SBSPON: variants seen among roughly 807,000 people sequenced by gnomAD.
The protein encoded by SBSPON is somatomedin-B and thrombospondin type-1 domain-containing protein.
Under a neutral mutation model 35.8 loss-of-function variants are expected in SBSPON, and 30 were observed. The ratio of observed to expected loss-of-function variants is 0.84; its 90% CI spans 0.63 to 1.14. SBSPON has a LOEUF of 1.14. SBSPON is among the 50% of genes most tolerant of loss of function. The pLI, the probability that SBSPON is intolerant of heterozygous loss-of-function variation, is 0.00. For missense variants in SBSPON, 364 were observed against 357.7 expected (o/e 1.02, Z -0.14); for synonymous variants, 136 against 135.9 (o/e 1.00, Z 0.00).
intron 1 of SBSPON, among the ~76,000 whole-genome samples, chr8:73,084,711 G>C (rs1316910005): frequency 6.7e-6 from 1 of 148,200 alleles, no homozygotes; most frequent in African/African-American, 2.5e-5. Flanking sequence ...TCTTTTTCTG[G>C]CCAGCTTTTT....
At chr8:73,075,373 C>T (rs1464286935) in intron 2 of SBSPON, among the ~76,000 whole-genome samples, 2 of 152,184 alleles carry the variant, frequency 1.3e-5, no homozygotes, top group African/African-American at 4.8e-5. Context: ...ATACACCCCC[C>T]CCAAATTCAC....
chr8:73,069,040 C>T (rs1297696553), intron 4 of SBSPON, among the ~76,000 whole-genome samples: 2 of 152,100 alleles, frequency 1.3e-5, no homozygotes, highest in Admixed American at 1.3e-4. Flanking sequence ...GACCACACAG[C>T]CTGCAAAGTC....
chr8:73,076,869 T>C (rs545187410), intron 2 of SBSPON, among the ~76,000 whole-genome samples: 47 of 152,322 alleles, frequency 3.1e-4, no homozygotes, highest in African/African-American at 1.0e-3. Context: ...TGTCAGATTC[T>C]GATCTTCAGA....
chr8:73,091,238 C>T lies in SBSPON; in HGVS notation c.214+1616G>A, dbSNP rs868792601. Among the ~76,000 whole-genome samples, 16 of 152,348 alleles carry T rather than the reference C, an allele frequency of 1.1e-4. No homozygotes were observed. In the Middle Eastern group the frequency reaches 0.01, roughly 97 times the overall value. ...TCCTCCAGCAGGCCTCTTCCTCATTCTCCAGGCCCAGGCTCGCCCATTACT... is the reference window on the plus strand; with the variant it reads ...TCCTCCAGCAGGCCTCTTCCTCATTTTCCAGGCCCAGGCTCGCCCATTACT... On this transcript the variant is annotated intron_variant, in intron 1 of 4. Transcript: ENST00000297354.
At chr8:73,075,334 G>A (rs1216302173) in intron 2 of SBSPON, among the ~76,000 whole-genome samples, 1 of 152,306 alleles carries the variant, frequency 6.6e-6, no homozygotes, top group East Asian at 1.9e-4. Flanking sequence ...CAGACTGCCT[G>A]GAGGTCCCAG....
rs1219252933 is a variant in SBSPON at position 73,065,539 on chromosome 8, G to C, written c.*1802C>G. The C allele has an allele frequency of 6.6e-6, 1 of 152,096 alleles. No homozygotes were observed. The highest frequency in any genetic ancestry group is 2.4e-5 in the African/African-American group (1 of 41,406). 9.4% of individuals were successfully genotyped at this position (152,096 alleles called of 1,614,324 possible). The stretch of plus-strand genomic sequence containing the variant: ...GCCCATAATCCCAGCACCTTGGGAG[G>C]CCGAGGTGGGTGGATCACGAGGTCA... On this transcript the variant is annotated 3_prime_UTR_variant, in exon 5 of 5. Coordinates refer to ENST00000297354, the MANE Select transcript of SBSPON (RefSeq NM_153225.4).
intron 1 of SBSPON, among the ~76,000 whole-genome samples, chr8:73,092,405 A>G (rs530309484): frequency 6.6e-6 from 1 of 152,268 alleles, no homozygotes; most frequent in African/African-American, 2.4e-5. Flanking sequence ...AGATTACACA[A>G]TCCTGCCCTC....
In SBSPON at chr8:73,067,039, T is replaced by A. The variant is rs1810402550; in HGVS notation, c.*302A>T. On this transcript the variant is annotated 3_prime_UTR_variant, in exon 5 of 5. Coordinates refer to ENST00000297354, the MANE Select transcript of SBSPON (RefSeq NM_153225.4). Reference sequence around the variant, plus strand: ...CGGACTGAGTTACAGTAATTTTACTTTAGCAAACAGACATGTATTCTGTGT... The same window carrying A: ...CGGACTGAGTTACAGTAATTTTACTATAGCAAACAGACATGTATTCTGTGT... 4.4e-6 allele frequency: 1 copy of A among 227,636 alleles called. No individual in the cohort carries two copies. The allele number at this position is 227,636 out of a possible 1,614,324, so 14.1% of individuals were successfully genotyped here. A position where few individuals can be genotyped will look rare whatever the true frequency, so the allele number is the denominator to read the frequency against.
At chr8:73,067,880 C>A (rs895457403) in intron 4 of SBSPON, among the ~76,000 whole-genome samples, 1 of 150,716 alleles carries the variant, frequency 6.6e-6, no homozygotes, top group Non-Finnish European at 1.5e-5. Flanking sequence ...AACAGAGTTT[C>A]CCTTGTTTAG....
At chr8:73,072,049 G>A (rs2129993194) in intron 2 of SBSPON, among the ~76,000 whole-genome samples, 179 bp from the exon 3 acceptor site, 1 of 152,186 alleles carries the variant, frequency 6.6e-6, no homozygotes, top group East Asian at 1.9e-4. Flanking sequence ...TGTGCACACA[G>A]ATCGGTAGGG....
chr8:73,073,628 A>G (rs183420069), intron 2 of SBSPON, among the ~76,000 whole-genome samples: 96 of 152,278 alleles, frequency 6.3e-4, no homozygotes, highest in African/African-American at 2.2e-3. Flanking sequence ...CAACATGGTG[A>G]AACCCTGTCT....
intron 1 of SBSPON, among the ~76,000 whole-genome samples, 164 bp downstream of exon 1, chr8:73,092,690 G>T (rs1046470191): frequency 1.2e-4 from 19 of 152,250 alleles, no homozygotes; most frequent in African/African-American, 4.6e-4. Context: ...ACCCTAGGAT[G>T]AACGGAGCCG....
At chr8:73,086,751 G>A (rs1442115213) in intron 1 of SBSPON, among the ~76,000 whole-genome samples, 2 of 151,938 alleles carry the variant, frequency 1.3e-5, no homozygotes, top group African/African-American at 2.4e-5. Flanking sequence ...TGTAACCCAG[G>A]AGAAAAAAAG....
intron 4 of SBSPON, 119 bp from the exon 5 acceptor site, chr8:73,067,577 A>T: frequency 2.5e-6 from 1 of 407,160 alleles, no homozygotes; most frequent in Non-Finnish European, 4.3e-6. Context: ...ATATAGTGAA[A>T]CCCCGTCTCT....
chr8:73,080,299 G>A (rs1810670803), intron 2 of SBSPON, among the ~76,000 whole-genome samples: 1 of 152,130 alleles, frequency 6.6e-6, no homozygotes, highest in Admixed American at 6.5e-5. Flanking sequence ...TGGATCACAA[G>A]GTCAGGAGAT....
chr8:73,072,359 CA>C (rs1376625218), intron 2 of SBSPON, among the ~76,000 whole-genome samples: 2 of 151,908 alleles, frequency 1.3e-5, no homozygotes, highest in African/African-American at 4.8e-5. Context: ...AACAGACAAA[CA>C]GAGAAAAAAA....
At chr8:73,070,226 C>A (rs1195213063) in intron 3 of SBSPON, among the ~76,000 whole-genome samples, 1 of 152,142 alleles carries the variant, frequency 6.6e-6, no homozygotes, top group African/African-American at 2.4e-5. Context: ...GCTCTCTGGG[C>A]AATATAAATG....
chr8:73,089,442 G>T (rs1810892546), intron 1 of SBSPON, among the ~76,000 whole-genome samples: 1 of 152,074 alleles, frequency 6.6e-6, no homozygotes, highest in Non-Finnish European at 1.5e-5. Flanking sequence ...TGTAATCCCA[G>T]CTACTCAGGA....
At chr8:73,091,989 A>G (rs1033787254) in intron 1 of SBSPON, among the ~76,000 whole-genome samples, 1 of 152,036 alleles carries the variant, frequency 6.6e-6, no homozygotes, top group African/African-American at 2.4e-5. Context: ...TAACAGGAGC[A>G]GGGCGACTTC....
Sources: gnomAD v4.1 joint callset for allele counts (sites outside exome capture counted in the v4.1 genomes callset) on GRCh38, gnomAD v4.1.1 for gene constraint, MANE v1.5 for transcripts, NCBI Gene and HGNC (gene_info 2026-07-23, HGNC 2026-07-21) for gene names.